The following HORMAD2 variants were observed in gnomAD, a reference collection of about 807,000 sequenced individuals.
HORMAD2 encodes the protein HORMA domain containing 2.
Under a neutral mutation model 38.8 loss-of-function variants are expected in HORMAD2, and 45 were observed. The observed-to-expected ratio is 1.16, with a 90% confidence interval of 0.91 to 1.49. HORMAD2 has a LOEUF of 1.49. Ranked by LOEUF, HORMAD2 falls within the 40% of genes most tolerant of loss-of-function variation. The pLI, the probability that HORMAD2 is intolerant of heterozygous loss-of-function variation, is 0.00. For synonymous variants in HORMAD2, 126 were observed against 122.8 expected (o/e 1.03, Z -0.17); for missense variants, 338 against 367.0 (o/e 0.92, Z 0.65).
intron 10 of HORMAD2, among the ~76,000 whole-genome samples, chr22:30,132,351 G>A (rs1923342085): frequency 6.6e-6 from 1 of 152,116 alleles, no homozygotes; most frequent in Admixed American, 6.6e-5. Context: ...GGAGGCCAAG[G>A]CGGGAGGATC....
At chr22:30,125,705 A>G (rs1197650761) in intron 10 of HORMAD2, among the ~76,000 whole-genome samples, 6 of 152,200 alleles carry the variant, frequency 3.9e-5, no homozygotes, top group Non-Finnish European at 8.8e-5. Flanking sequence ...TTTTACATTT[A>G]GGTTTATAAT....
At chr22:30,203,450 C>A in the HORMAD2 span, among the ~76,000 whole-genome samples, 1 of 151,584 alleles carries the variant, frequency 6.6e-6, no homozygotes, top group Non-Finnish European at 1.5e-5. Context: ...GCACTCAACA[C>A]CAAGGAGGTC....
At chr22:30,181,430 C>T (rs1926713137), downstream of HORMAD2, among the ~76,000 whole-genome samples, 1 of 152,140 alleles carries the variant, frequency 6.6e-6, no homozygotes. Flanking sequence ...ACCCTCCCCA[C>T]TCCTTTCCCT....
intron 10 of HORMAD2, among the ~76,000 whole-genome samples, chr22:30,147,340 A>AT (rs1924478774): frequency 1.3e-5 from 2 of 152,132 alleles, no homozygotes; most frequent in African/African-American, 4.8e-5. Flanking sequence ...GTAGTCAATA[A>AT]TTTTTTATAA....
At chr22:30,153,018 T>A (rs1005951766) in intron 10 of HORMAD2, among the ~76,000 whole-genome samples, 3 of 152,194 alleles carry the variant, frequency 2.0e-5, no homozygotes, top group Admixed American at 1.3e-4. Context: ...ATGCTCGTCT[T>A]TTTATTCACC....
intron 10 of HORMAD2, among the ~76,000 whole-genome samples, chr22:30,171,799 A>G (rs1381260213): frequency 6.6e-6 from 1 of 152,150 alleles, no homozygotes; most frequent in African/African-American, 2.4e-5. Context: ...CTCTGAGGAA[A>G]TAATTTTTTT....
intron 10 of HORMAD2, among the ~76,000 whole-genome samples, chr22:30,144,977 A>G (rs548598416): frequency 2.0e-5 from 3 of 152,220 alleles, no homozygotes; most frequent in African/African-American, 7.2e-5. Context: ...CCCAATCTAT[A>G]ATGGAATGGA....
At chr22:30,150,332 C>T (rs540759377) in intron 10 of HORMAD2, among the ~76,000 whole-genome samples, 11 of 152,100 alleles carry the variant, frequency 7.2e-5, no homozygotes, top group East Asian at 1.9e-4. Flanking sequence ...CATTTCCAAG[C>T]GCTTGTTGTT....
chr22:30,196,114 A>T, the HORMAD2 span, among the ~76,000 whole-genome samples: 1 of 152,234 alleles, frequency 6.6e-6, no homozygotes, highest in Admixed American at 6.5e-5. Context: ...CACTTCCCTC[A>T]CGTAATCCCC....
intron 10 of HORMAD2, among the ~76,000 whole-genome samples, chr22:30,136,057 T>C (rs1458353246): frequency 6.6e-6 from 1 of 152,180 alleles, no homozygotes; most frequent in Non-Finnish European, 1.5e-5. Context: ...ATAGCCTATG[T>C]TTACACACAA....
upstream of HORMAD2, among the ~76,000 whole-genome samples, chr22:30,078,977 CAA>C (rs1204072300): frequency 7.2e-6 from 1 of 139,512 alleles, no homozygotes; most frequent in Non-Finnish European, 1.5e-5. Context: ...GGACATTTGG[CAA>C]AGTCTAGAGA....
At chr22:30,105,666 A>G (rs1921136027) in intron 5 of HORMAD2, among the ~76,000 whole-genome samples, 1 of 152,232 alleles carries the variant, frequency 6.6e-6, no homozygotes, top group Non-Finnish European at 1.5e-5. Context: ...AGAAGTGGGA[A>G]AGAGCTTGTA....
At chr22:30,164,917 T>C (rs993703075) in intron 10 of HORMAD2, among the ~76,000 whole-genome samples, 2 of 152,256 alleles carry the variant, frequency 1.3e-5, no homozygotes, top group Admixed American at 6.5e-5. Flanking sequence ...TTCTTGATAA[T>C]AGCATCCTTT....
chr22:30,158,334 T>C lies in HORMAD2; in HGVS notation c.820-17729T>C, dbSNP rs574068612. Among the ~76,000 whole-genome samples the C allele has an allele frequency of 2.6e-5, 4 of 152,120 alleles. No individual in the cohort carries two copies. The South Asian group carries it at 6.2e-4, about 24-fold the overall frequency. ...ACTATACAAAGCATAAGGAAGAGAA[T>C]AAAACACAGCCATATCTAAGGATGA... On this transcript the variant is annotated intron_variant, in intron 10 of 10. Transcript: ENST00000336726.
At position 30,112,530 on chromosome 22, in the gene HORMAD2, C is replaced by T. The variant is rs1360846959; in HGVS notation, c.342+8C>T. 1 of 1,306,846 alleles carries T rather than the reference C, an allele frequency of 7.7e-7. No individual in the cohort carries two copies. Among genetic ancestry groups the T allele is most frequent in the Non-Finnish European group, 1.0e-6 (1 of 974,612 alleles). The allele number at this position is 1,306,846 out of a possible 1,614,324, so 81.0% of individuals were successfully genotyped here. On this transcript the variant is annotated splice_region_variant and intron_variant, in intron 7 of 10. Coordinates refer to ENST00000336726, the MANE Select transcript of HORMAD2 (RefSeq NM_152510.4). ...GATCCCATGGGATCTGAGGTAAGAA[C>T]ACACACAAACGTATAGGTGGGTAGT...
At position 30,112,528 on chromosome 22, in the gene HORMAD2, A is replaced by AAC; in HGVS notation, c.342+14_342+15dup. On this transcript the variant is annotated splice_region_variant and intron_variant, in intron 7 of 10. Transcript: ENST00000336726. ...CAGATCCCATGGGATCTGAGGTAAGAACACACACAAACGTATAGGTGGGTA... is the reference window on the plus strand; with the variant it reads ...CAGATCCCATGGGATCTGAGGTAAGAACACACACACAAACGTATAGGTGGGTA... The AAC allele has an allele frequency of 7.7e-7, 1 of 1,299,858 alleles. No individual in the cohort carries two copies. Among genetic ancestry groups the AAC allele is most frequent in the Non-Finnish European group, 1.0e-6 (1 of 970,776 alleles). The allele number at this position is 1,299,858 out of a possible 1,614,324, so 80.5% of individuals were successfully genotyped here.
intron 10 of HORMAD2, among the ~76,000 whole-genome samples, chr22:30,148,044 G>A (rs540828363): frequency 1.3e-5 from 2 of 152,280 alleles, no homozygotes; most frequent in South Asian, 4.1e-4. Context: ...GTACATTAAT[G>A]TTCATAGCAG....
chr22:30,135,309 G>A (rs1923575493), intron 10 of HORMAD2, among the ~76,000 whole-genome samples: 2 of 151,904 alleles, frequency 1.3e-5, no homozygotes, highest in African/African-American at 2.4e-5. Context: ...ACACAGGAAT[G>A]GGATCCTTGA....
At chr22:30,196,048 C>T in the HORMAD2 span, among the ~76,000 whole-genome samples, 2 of 152,152 alleles carry the variant, frequency 1.3e-5, no homozygotes, top group African/African-American at 2.4e-5. Flanking sequence ...GTAAACTCAC[C>T]GAATGTCAAA....
Sources: gnomAD v4.1 joint callset for allele counts (sites outside exome capture counted in the v4.1 genomes callset) on GRCh38, gnomAD v4.1.1 for gene constraint, MANE v1.5 for transcripts, NCBI Gene and HGNC (gene_info 2026-07-23, HGNC 2026-07-21) for gene names.